Variants in KAZN observed in about 807,000 individuals in gnomAD.
KAZN encodes the protein kazrin, periplakin interacting protein, also known as kazrin.
Under a neutral mutation model 87.4 loss-of-function variants are expected in KAZN, and 40 were observed. That is an observed-to-expected ratio of 0.46 (90% CI 0.36 to 0.60). The LOEUF (loss-of-function observed/expected upper bound fraction) is 0.60. Among genes scored for constraint, KAZN ranks in the 20% least tolerant of loss-of-function variants. The pLI is 0.00. For missense variants in KAZN, 898 were observed against 1,073.9 expected (o/e 0.84, Z 2.29); for synonymous variants, 466 against 458.3 (o/e 1.02, Z -0.22).
At chr1:14,610,973 C>T (rs558417613) in intron 1 of KAZN, among the ~76,000 whole-genome samples, 3 of 152,288 alleles carry the variant, frequency 2.0e-5, no homozygotes, top group South Asian at 2.1e-4. Context: ...TGGTCACTTT[C>T]GCTGTGGCTG....
chr1:14,095,906 A>G (rs1644116933), intron 1 of KAZN, among the ~76,000 whole-genome samples: 1 of 152,180 alleles, frequency 6.6e-6, no homozygotes, highest in African/African-American at 2.4e-5. Flanking sequence ...CCGTCCTGTA[A>G]TGGCAAGAGC....
At chr1:14,424,704 A>G (rs1665617585) in intron 2 of KAZN, among the ~76,000 whole-genome samples, 1 of 152,148 alleles carries the variant, frequency 6.6e-6, no homozygotes, top group African/African-American at 2.4e-5. Flanking sequence ...CAAAGAACCC[A>G]TTTTCTCATC....
chr1:14,185,217 C>T lies in KAZN; in HGVS notation c.249+4625C>T, dbSNP rs139377166. ...CCATGATGGAGAAAGAATTAGAACT[C>T]TCTCCCTAGGTTCTCTTCCTTAGCA... On this transcript the variant is annotated intron_variant, in intron 2 of 16. Coordinates refer to the KAZN transcript ENST00000636203. Among the ~76,000 whole-genome samples the T allele has an allele frequency of 3.1e-3, 468 of 152,286 alleles. 1 individual carries two copies. Among genetic ancestry groups the T allele is most frequent in the African/African-American group, 0.011 (450 of 41,570 alleles).
chr1:14,257,193 T>G lies in KAZN; in HGVS notation c.249+76601T>G, dbSNP rs564491813. 1.3e-4 allele frequency among the ~76,000 whole-genome samples: 20 copies of G among 152,200 alleles called. No individual in the cohort carries two copies. The East Asian group carries it at 3.9e-3, about 29-fold the overall frequency. On this transcript the variant is annotated intron_variant, in intron 2 of 16. Transcript: ENST00000636203. ...GGGAAGGGATGATATCTCATAGTGG[T>G]TTTGATTTGCATTTCTCTGATGGCC...
chr1:14,101,965 C>G (rs1644263730), intron 1 of KAZN, among the ~76,000 whole-genome samples: 1 of 152,114 alleles, frequency 6.6e-6, no homozygotes, highest in Non-Finnish European at 1.5e-5. Flanking sequence ...CCTCTTCCAG[C>G]AAACCTCAAA....
chr1:13,940,041 G>A (rs1640872021), intron 1 of KAZN, among the ~76,000 whole-genome samples: 1 of 152,146 alleles, frequency 6.6e-6, no homozygotes, highest in Non-Finnish European at 1.5e-5. Flanking sequence ...TTCAACATGA[G>A]ATTTAGAGGG....
At chr1:14,678,842 C>T (rs1640397948) in intron 1 of KAZN, among the ~76,000 whole-genome samples, 1 of 152,080 alleles carries the variant, frequency 6.6e-6, no homozygotes, top group East Asian at 1.9e-4. Context: ...TAATATATCC[C>T]GTATGTAATA....
intron 8 of KAZN, among the ~76,000 whole-genome samples, chr1:15,068,362 C>T (rs1249362000): frequency 6.6e-6 from 1 of 152,174 alleles, no homozygotes; most frequent in East Asian, 1.9e-4. Context: ...TCGCCTCTGC[C>T]GCCCTGACTG....
chr1:14,074,956 T>C (rs1292947777), intron 1 of KAZN, among the ~76,000 whole-genome samples: 2 of 152,168 alleles, frequency 1.3e-5, no homozygotes, highest in Non-Finnish European at 2.9e-5. Context: ...TGTCAACTCA[T>C]GTTAAACTTT....
In KAZN at chr1:14,110,051, T is replaced by C. The variant is rs138661910; in HGVS notation, c.92-70384T>C. Among the ~76,000 whole-genome samples the C allele has an allele frequency of 5.2e-3, 680 of 129,858 alleles. 137 individuals are homozygous for C. The highest frequency in any genetic ancestry group is 0.024 in the South Asian group (94 of 3,944). The allele number at this position is 129,858 out of a possible 152,430, so 85.2% of individuals were successfully genotyped here. Reference sequence around the variant, plus strand: ...TTGAATAAGCAAAGCAATAATATGTTGTGATTAATAAGTGGCTTGACAGGC... The same window carrying C: ...TTGAATAAGCAAAGCAATAATATGTCGTGATTAATAAGTGGCTTGACAGGC... On this transcript the variant is annotated intron_variant, in intron 1 of 16. Transcript: ENST00000636203.
At chr1:14,349,495 C>A (rs1027714971) in intron 2 of KAZN, 5 of 152,052 alleles carry the variant, frequency 3.3e-5, no homozygotes, top group Non-Finnish European at 5.9e-5. Flanking sequence ...AAGCAGCTGC[C>A]CTGTCTCAGT....
intron 1 of KAZN, among the ~76,000 whole-genome samples, chr1:14,709,556 T>G (rs1168266589): frequency 6.6e-6 from 1 of 152,158 alleles, no homozygotes; most frequent in Non-Finnish European, 1.5e-5. Context: ...GTAAACTCTG[T>G]GCCAAGCAGA....
chr1:14,194,606 G>A (rs538939730), intron 2 of KAZN, among the ~76,000 whole-genome samples: 15 of 152,276 alleles, frequency 9.9e-5, no homozygotes, highest in Non-Finnish European at 1.5e-4. Context: ...TTTGGAGGGA[G>A]GAAAGACTCT....
chr1:13,980,151 T>A (rs556767719), intron 1 of KAZN, among the ~76,000 whole-genome samples: 1 of 152,006 alleles, frequency 6.6e-6, no homozygotes, highest in East Asian at 1.9e-4. Flanking sequence ...TGCAATAATA[T>A]ACACATGAGA....
intron 1 of KAZN, among the ~76,000 whole-genome samples, chr1:14,013,795 T>C (rs1182698048): frequency 6.6e-6 from 1 of 152,188 alleles, no homozygotes; most frequent in Non-Finnish European, 1.5e-5. Context: ...GGTTTCTCAT[T>C]CTGTATAGAG....
In KAZN at chr1:14,023,708, A is replaced by G. The variant is rs536171512; in HGVS notation, c.91+129952A>G. The stretch of plus-strand genomic sequence containing the variant: ...CAAACAAAAAAACGGGGCCATCTTA[A>G]TAAGCAGTAGGAGGTAGAATTGAGT... On this transcript the variant is annotated intron_variant, in intron 1 of 16. Transcript: ENST00000636203. Among the ~76,000 whole-genome samples, 6 of 152,336 alleles carry G rather than the reference A, an allele frequency of 3.9e-5. No individual in the cohort carries two copies. In the East Asian group the frequency reaches 1.2e-3, roughly 29 times the overall value.
chr1:14,949,180 A>AATC lies in KAZN; in HGVS notation c.227-11502_227-11501insCAT, dbSNP rs1235647249. Among the ~76,000 whole-genome samples, 1 of 149,530 alleles carries AATC rather than the reference A, an allele frequency of 6.7e-6. No homozygotes were observed. The highest frequency in any genetic ancestry group is 1.5e-5 in the Non-Finnish European group (1 of 67,514). On this transcript the variant is annotated intron_variant, in intron 1 of 14. Coordinates refer to ENST00000376030, the MANE Select transcript of KAZN (RefSeq NM_201628.3). This position sits in a 1 kb window ranked among gnomAD's most constrained non-coding sequence, Gnocchi z 4.3. ...AAATAATAATAATAATAATAATAAT[A>AATC]ATAATAATAAGTAATTTGTCTGTGG...
chr1:14,465,101 C>T (rs1668047166), intron 2 of KAZN, among the ~76,000 whole-genome samples: 1 of 151,970 alleles, frequency 6.6e-6, no homozygotes, highest in Non-Finnish European at 1.5e-5. Context: ...CACGGATGGT[C>T]CAAGACAGCT....
chr1:14,910,764 C>T (rs181661437), intron 1 of KAZN, among the ~76,000 whole-genome samples: 1 of 152,262 alleles, frequency 6.6e-6, no homozygotes, highest in Admixed American at 6.5e-5. Context: ...TCCTGCCAGT[C>T]GTGGCCAGGC....
Sources: gnomAD v4.1 joint callset for allele counts (sites outside exome capture counted in the v4.1 genomes callset) on GRCh38, gnomAD v4.1.1 for gene constraint, Gnocchi (gnomAD v3.1) non-coding constraint, MANE v1.5 for transcripts, NCBI Gene and HGNC (gene_info 2026-07-23, HGNC 2026-07-21) for gene names.